Variants in LIPH observed in about 807,000 individuals in gnomAD.
LIPH encodes lipase member H.
A neutral mutation model predicts 47.6 loss-of-function variants in LIPH; 32 were observed. That is an observed-to-expected ratio of 0.67 (90% CI 0.51 to 0.90). LIPH has a LOEUF of 0.90. Among genes scored for constraint, LIPH ranks in the 40% least tolerant of loss-of-function variants. The pLI is 0.00. For synonymous variants in LIPH, 190 were observed against 195.6 expected (o/e 0.97, Z 0.24); for missense variants, 497 against 541.4 (o/e 0.92, Z 0.81).
Position 185,552,506 on chromosome 3 carries a change from A to T in LIPH, c.-35T>A. 1 of 1,457,442 alleles carries T rather than the reference A, an allele frequency of 6.9e-7. No individual in the cohort carries two copies. Among genetic ancestry groups the T allele is most frequent in the Non-Finnish European group, 9.6e-7 (1 of 1,037,374 alleles). The allele number at this position is 1,457,442 out of a possible 1,614,324, so 90.3% of individuals were successfully genotyped here. On this transcript the variant is annotated 5_prime_UTR_variant, in exon 1 of 10. In the 5' UTR this introduces an upstream ATG that the reference lacks. Coordinates refer to ENST00000296252, the MANE Select transcript of LIPH (RefSeq NM_139248.3). ...GGAGAGATCGTGTGTCACATTCACA[A>T]GAATGATTTACTTCGCAGAGGCTTA... is the stretch of plus-strand genomic sequence containing the variant.
chr3:185,542,922 C>T (rs1472146236), intron 1 of LIPH, among the ~76,000 whole-genome samples: 1 of 151,712 alleles, frequency 6.6e-6, no homozygotes, highest in Admixed American at 6.6e-5. Context: ...AATAATATAT[C>T]TAGGGCTGGG....
chr3:185,512,822 G>A (rs904071012), intron 8 of LIPH, among the ~76,000 whole-genome samples: 8 of 152,032 alleles, frequency 5.3e-5, no homozygotes, highest in African/African-American at 1.4e-4. Flanking sequence ...TGGGGTAATC[G>A]TGACGAGGTA....
intron 9 of LIPH, among the ~76,000 whole-genome samples, chr3:185,509,531 G>T (rs925804250): frequency 6.6e-6 from 1 of 152,102 alleles, no homozygotes; most frequent in African/African-American, 2.4e-5. Flanking sequence ...TTCGGAGGCT[G>T]AAGCAGGAGA....
In LIPH at chr3:185,519,158, C is replaced by G. The variant is rs145766081; in HGVS notation, c.870G>C (p.Glu290Asp). ...KCVSCGTSQK[E>D]SCPLLGYYAD... ...TAGACTTACCCAGAAGGGGACAGGA[C>G]TCTTTTTGTGACGTGCCGCAGCTGA... Residue 290 changes from glutamate to aspartate, a missense_variant, in exon 6 of 10, where the codon GAG (glutamate) becomes GAC (aspartate). Glu to Asp is a conservative substitution (Grantham distance 45, BLOSUM62 2). Coordinates refer to ENST00000296252, the MANE Select transcript of LIPH (RefSeq NM_139248.3). 7.4e-6 allele frequency: 12 copies of G among 1,614,104 alleles called. No individual in the cohort carries two copies. The African/African-American group carries it at 1.6e-4, about 22-fold the overall frequency.
chr3:185,551,845 A>T (rs1179204204), intron 1 of LIPH, among the ~76,000 whole-genome samples: 1 of 152,042 alleles, frequency 6.6e-6, no homozygotes, highest in Non-Finnish European at 1.5e-5. Context: ...TTTTTGTTAC[A>T]TTATCTGGTA....
At chr3:185,539,666 C>T (rs373221148) in intron 1 of LIPH, among the ~76,000 whole-genome samples, 133 of 152,270 alleles carry the variant, frequency 8.7e-4, no homozygotes, top group African/African-American at 2.9e-3. Flanking sequence ...CCACCACGCC[C>T]GGCCGCATTT....
At position 185,535,060 on chromosome 3, in the gene LIPH, AC is replaced by A; in HGVS notation, c.121del (p.Val41Ter). 1 of 1,613,992 alleles carries A rather than the reference AC, an allele frequency of 6.2e-7. No homozygotes were observed. The highest frequency in any genetic ancestry group is 1.1e-5 in the South Asian group (1 of 91,054). On this transcript the variant is annotated frameshift_variant, in exon 2 of 10. Coordinates refer to ENST00000296252, the MANE Select transcript of LIPH (RefSeq NM_139248.3). ...HSAVVGTGLN[V>X]RLMLYTRKNL... is the part of the protein sequence containing the mutation. ...TTTCCTTGTGTAGAGCATCAGCCTC[AC>A]ATTTAGTCCCGTACCAACCACTGCA... is the stretch of plus-strand genomic sequence containing the variant.
intron 5 of LIPH, among the ~76,000 whole-genome samples, chr3:185,519,552 A>C (rs903916466): frequency 9.2e-5 from 14 of 151,930 alleles, no homozygotes; most frequent in Non-Finnish European, 2.1e-4. Context: ...TGAAAGACCC[A>C]GGGCCAGGTG....
intron 5 of LIPH, among the ~76,000 whole-genome samples, chr3:185,522,640 G>GAAA (rs55937100): frequency 1.1e-4 from 14 of 128,680 alleles, no homozygotes; most frequent in African/African-American, 4.0e-4. Context: ...GGAAAAGAAA[G>GAAA]AGAGAAAGAA....
intron 8 of LIPH, among the ~76,000 whole-genome samples, chr3:185,512,503 T>A (rs1719599882): frequency 6.6e-6 from 1 of 150,840 alleles, no homozygotes; most frequent in Admixed American, 6.6e-5. Flanking sequence ...TTTTTTTTTT[T>A]TTTGAGATGG....
intron 1 of LIPH, among the ~76,000 whole-genome samples, chr3:185,539,264 G>A (rs1198429153): frequency 1.3e-5 from 2 of 151,952 alleles, no homozygotes; most frequent in East Asian, 3.9e-4. Flanking sequence ...ACTGTGCCCA[G>A]CCTCAAATGA....
intron 4 of LIPH, among the ~76,000 whole-genome samples, chr3:185,526,787 CA>C (rs1720118772): frequency 6.6e-6 from 1 of 151,392 alleles, no homozygotes; most frequent in African/African-American, 2.4e-5. Context: ...GTAGTTGCAT[CA>C]GAGTGACTCT....
At chr3:185,540,330 A>T (rs1720662981) in intron 1 of LIPH, among the ~76,000 whole-genome samples, 1 of 152,132 alleles carries the variant, frequency 6.6e-6, no homozygotes, top group Admixed American at 6.6e-5. Flanking sequence ...TTTTTGTTTT[A>T]TCAGGGGTTC....
At chr3:185,538,337 G>A (rs1720564355) in intron 1 of LIPH, among the ~76,000 whole-genome samples, 1 of 152,160 alleles carries the variant, frequency 6.6e-6, no homozygotes, top group Non-Finnish European at 1.5e-5. Flanking sequence ...GAATCAGTCA[G>A]TAATGAAATA....
At chr3:185,535,625 CAG>C (rs1379619700) in intron 1 of LIPH, among the ~76,000 whole-genome samples, 2 of 151,760 alleles carry the variant, frequency 1.3e-5, no homozygotes, top group South Asian at 2.1e-4. Context: ...GTTTTGGAGA[CAG>C]AGTCTCACTC....
chr3:185,539,040 G>A (rs1238503548), intron 1 of LIPH, among the ~76,000 whole-genome samples: 2 of 150,412 alleles, frequency 1.3e-5, no homozygotes, highest in Non-Finnish European at 3.0e-5. Flanking sequence ...GTGTGATCTC[G>A]GCTCACTGCA....
At position 185,519,232 on chromosome 3, in the gene LIPH, T is replaced by TG; in HGVS notation, c.795dup (p.Thr266HisfsTer6). 1 of 1,612,808 alleles carries TG rather than the reference T, an allele frequency of 6.2e-7. No individual in the cohort carries two copies. Among genetic ancestry groups the TG allele is most frequent in the Non-Finnish European group, 8.5e-7 (1 of 1,178,832 alleles). ...TGGTAGGAGTCACAGGGATACGCAGTGATGGTGCAGCTCTCTCTCAGGGAA... is the reference window on the plus strand; with the variant it reads ...TGGTAGGAGTCACAGGGATACGCAGTGGATGGTGCAGCTCTCTCTCAGGGAA... On this transcript the variant is annotated frameshift_variant, in exon 6 of 10. Transcript: ENST00000296252.
rs576505567 is a variant in LIPH, at chr3:185,507,408, T to G, written c.*1382A>C. The G allele has an allele frequency of 6.6e-6, 1 of 151,944 alleles. No individual in the cohort carries two copies. The highest frequency in any genetic ancestry group is 1.9e-4 in the East Asian group (1 of 5,176). 9.4% of individuals were successfully genotyped at this position (151,944 alleles called of 1,614,324 possible). A position where few individuals can be genotyped will look rare whatever the true frequency, so the allele number is the denominator to read the frequency against. On this transcript the variant is annotated 3_prime_UTR_variant, in exon 10 of 10. Transcript: ENST00000296252. ...AATTTCTTCATAACAAAGGCTATTT[T>G]CACAGATAGCAGTTGAAGGAGCAAT...
chr3:185,510,452 T>G (rs1719525841), intron 9 of LIPH, among the ~76,000 whole-genome samples: 1 of 152,190 alleles, frequency 6.6e-6, no homozygotes, highest in African/African-American at 2.4e-5. Context: ...TCTCTTTCTC[T>G]CCCCAAACAT....
Sources: allele counts gnomAD v4.1 joint callset (sites outside exome capture counted in the v4.1 genomes callset), GRCh38; gene constraint gnomAD v4.1.1; transcripts MANE v1.5; gene names NCBI Gene and HGNC (gene_info 2026-07-23, HGNC 2026-07-21).